Variants in DPYD observed in about 807,000 individuals in gnomAD.
The protein encoded by DPYD is dihydropyrimidine dehydrogenase.
DPYD carries 109 observed loss-of-function variants against 116.2 expected under a neutral mutation model. The observed-to-expected ratio is 0.94, with a 90% confidence interval of 0.80 to 1.10. The LOEUF (loss-of-function observed/expected upper bound fraction) is 1.10, where lower values mean the gene tolerates loss of function less well. DPYD is among the 50% of genes least tolerant of loss of function. DPYD has a pLI of 0.00. For synonymous variants in DPYD, 440 were observed against 432.0 expected (o/e 1.02, Z -0.23); for missense variants, 1,302 against 1,254.5 (o/e 1.04, Z -0.57).
chr1:97,425,859 C>T (rs574095414), intron 14 of DPYD, among the ~76,000 whole-genome samples: 1 of 151,180 alleles, frequency 6.6e-6, no homozygotes, highest in African/African-American at 2.4e-5. Flanking sequence ...CAATTTCATA[C>T]ATATTATACA....
At chr1:97,398,727 G>T (rs1673167105) in intron 14 of DPYD, among the ~76,000 whole-genome samples, 1 of 152,164 alleles carries the variant, frequency 6.6e-6, no homozygotes, top group Non-Finnish European at 1.5e-5. Flanking sequence ...TTTGTCTGAT[G>T]GCTGCATAAA....
chr1:97,659,742 C>T lies in DPYD; in HGVS notation c.850+19353G>A, dbSNP rs138088932. Reference sequence around the variant, plus strand: ...TTTAAAAGTGCACATAGTATAAGAACTCAAAAGTTTTTGAATGAATGCTAA... The same window carrying T: ...TTTAAAAGTGCACATAGTATAAGAATTCAAAAGTTTTTGAATGAATGCTAA... On this transcript the variant is annotated intron_variant, in intron 8 of 22. Coordinates refer to ENST00000370192, the MANE Select transcript of DPYD (RefSeq NM_000110.4). Among the ~76,000 whole-genome samples, 423 of 152,202 alleles carry T rather than the reference C, an allele frequency of 2.8e-3. 1 individual carries two copies. Among genetic ancestry groups the T allele is most frequent in the African/African-American group, 9.9e-3 (413 of 41,558 alleles).
chr1:97,338,925 A>C (rs1669445023), intron 16 of DPYD, among the ~76,000 whole-genome samples: 1 of 152,188 alleles, frequency 6.6e-6, no homozygotes, highest in African/African-American at 2.4e-5. Flanking sequence ...GCTACTATTA[A>C]GGAAGAGCTA....
chr1:97,561,743 T>C (rs1447697564), intron 11 of DPYD, among the ~76,000 whole-genome samples: 1 of 152,186 alleles, frequency 6.6e-6, no homozygotes, highest in East Asian at 1.9e-4. Context: ...ATTTCGCATA[T>C]ACCTTATAAT....
At chr1:97,115,646 A>C (rs1044646592) in intron 20 of DPYD, among the ~76,000 whole-genome samples, 1 of 152,198 alleles carries the variant, frequency 6.6e-6, no homozygotes, top group Non-Finnish European at 1.5e-5. Context: ...TATTGTCTTA[A>C]AAGTCACACT....
intron 7 of DPYD, among the ~76,000 whole-genome samples, chr1:97,685,579 T>C (rs893756541): frequency 6.6e-6 from 1 of 152,170 alleles, no homozygotes; most frequent in African/African-American, 2.4e-5. Context: ...CATGATCCCA[T>C]ATCTAGAAAG....
intron 14 of DPYD, among the ~76,000 whole-genome samples, chr1:97,442,675 T>C (rs1415808626): frequency 2.0e-5 from 3 of 152,066 alleles, no homozygotes; most frequent in Non-Finnish European, 2.9e-5. Flanking sequence ...TTACATGATA[T>C]AGGACATATA....
chr1:97,499,174 CAG>C (rs932336160), intron 13 of DPYD, among the ~76,000 whole-genome samples: 1 of 151,596 alleles, frequency 6.6e-6, no homozygotes, highest in African/African-American at 2.4e-5. Context: ...TTATTTAAAA[CAG>C]AATATATCTT....
intron 3 of DPYD, among the ~76,000 whole-genome samples, chr1:97,805,965 C>T (rs1224775848): frequency 6.6e-6 from 1 of 151,596 alleles, no homozygotes; most frequent in Non-Finnish European, 1.5e-5. Context: ...AACTGTCAGA[C>T]CTGAAAGAAA....
intron 12 of DPYD, among the ~76,000 whole-genome samples, chr1:97,536,760 A>T (rs1650031567): frequency 6.6e-6 from 1 of 152,216 alleles, no homozygotes; most frequent in Admixed American, 6.5e-5. Context: ...GCACACCCAA[A>T]TAAATGCCTC....
At chr1:97,868,918 AAG>A (rs1336910432) in intron 2 of DPYD, among the ~76,000 whole-genome samples, 1 of 151,828 alleles carries the variant, frequency 6.6e-6, no homozygotes, top group Non-Finnish European at 1.5e-5. Flanking sequence ...AGCCAATAAA[AAG>A]AGTCTATCCA....
At chr1:97,303,674 G>A (rs562941856) in intron 18 of DPYD, among the ~76,000 whole-genome samples, 1 of 151,940 alleles carries the variant, frequency 6.6e-6, no homozygotes, top group East Asian at 1.9e-4. Context: ...GTGGAGAAAG[G>A]CTATTTTCAA....
intron 11 of DPYD, among the ~76,000 whole-genome samples, chr1:97,565,678 C>A (rs1381061903): frequency 6.6e-6 from 1 of 152,136 alleles, no homozygotes; most frequent in Non-Finnish European, 1.5e-5. Context: ...CACTGTGTTG[C>A]TATATATGTA....
chr1:97,730,924 A>C (rs1371740991), intron 4 of DPYD, among the ~76,000 whole-genome samples: 1 of 152,100 alleles, frequency 6.6e-6, no homozygotes, highest in African/African-American at 2.4e-5. Flanking sequence ...CTACAATTTC[A>C]TTTATGAATA....
In DPYD at chr1:97,305,366, C is replaced by T. The variant is rs1355974970; in HGVS notation, c.2192G>A (p.Gly731Asp). The part of the protein sequence containing the change: ...ARAAKEGGAN[G>D]VTATNTVSGL... Reference sequence around the variant, plus strand: ...TGAGACAGTGTTGGTGGCTGTAACGCCATTGGCACCACCTATGCAAGACAC... The same window carrying T: ...TGAGACAGTGTTGGTGGCTGTAACGTCATTGGCACCACCTATGCAAGACAC... Residue 731 changes from glycine to aspartate, a missense_variant, in exon 18 of 23, where the codon GGC becomes GAC. Gly to Asp is a moderately conservative substitution (Grantham distance 94, BLOSUM62 -1). Transcript: ENST00000370192. 2 of 1,612,298 alleles carry T rather than the reference C, an allele frequency of 1.2e-6. No homozygotes were observed.
Position 97,118,872 on chromosome 1 carries a change from C to T in DPYD, c.2623-20240G>A, listed in dbSNP as rs577871475. 9.2e-5 allele frequency among the ~76,000 whole-genome samples: 14 copies of T among 152,046 alleles called. No individual in the cohort carries two copies. In the South Asian group the frequency reaches 2.1e-3, roughly 23 times the overall value. On this transcript the variant is annotated intron_variant, in intron 20 of 22. Transcript: ENST00000370192. ...AATAACTCACATTTTGGTGGTTTAG[C>T]GCATATCATCTGAGGATTGATGTTG...
intron 3 of DPYD, among the ~76,000 whole-genome samples, chr1:97,784,797 T>C (rs925624969): frequency 6.6e-6 from 1 of 152,198 alleles, no homozygotes; most frequent in South Asian, 2.1e-4. Context: ...TGGACTGTCA[T>C]CTATATCAAC....
At chr1:97,605,841 T>C (rs1655556845) in intron 8 of DPYD, among the ~76,000 whole-genome samples, 1 of 152,058 alleles carries the variant, frequency 6.6e-6, no homozygotes, top group Non-Finnish European at 1.5e-5. Context: ...TTAAAAAATC[T>C]ATTATTTTCA....
chr1:97,788,784 T>C (rs531973439), intron 3 of DPYD, among the ~76,000 whole-genome samples: 1 of 152,308 alleles, frequency 6.6e-6, no homozygotes, highest in African/African-American at 2.4e-5. Context: ...AAGGCAAAAA[T>C]ACAAGCTGTA....
Sources: gnomAD v4.1 joint callset for allele counts (sites outside exome capture counted in the v4.1 genomes callset) on GRCh38, gnomAD v4.1.1 for gene constraint, MANE v1.5 for transcripts, NCBI Gene and HGNC (gene_info 2026-07-23, HGNC 2026-07-21) for gene names.